SHISAL1: variants seen among roughly 807,000 people sequenced by gnomAD.
The protein encoded by SHISAL1 is shisa like 1.
A neutral mutation model predicts 22.6 loss-of-function variants in SHISAL1; 9 were observed. That is an observed-to-expected ratio of 0.40 (90% CI 0.24 to 0.70). The LOEUF is 0.70. Among genes scored for constraint, SHISAL1 ranks in the 30% least tolerant of loss-of-function variants. The probability of loss-of-function intolerance (pLI) is 0.39; values close to 1 mark genes in which losing one functional copy is unlikely to be tolerated. For missense variants in SHISAL1, 246 were observed against 270.6 expected (o/e 0.91, Z 0.64); for synonymous variants, 119 against 115.4 (o/e 1.03, Z -0.20).
intron 4 of SHISAL1, among the ~76,000 whole-genome samples, chr22:44,252,080 A>C (rs1454845518): frequency 1.3e-5 from 2 of 152,252 alleles, no homozygotes; most frequent in Admixed American, 1.3e-4. Context: ...CAGCCAATCT[A>C]AAGATTATGA....
At chr22:44,261,794 G>A (rs2055126412) in intron 4 of SHISAL1, among the ~76,000 whole-genome samples, 2 of 152,238 alleles carry the variant, frequency 1.3e-5, no homozygotes, top group Admixed American at 6.5e-5. Flanking sequence ...CTCCTGCCAC[G>A]GAGAGCACTC....
intron 4 of SHISAL1, among the ~76,000 whole-genome samples, chr22:44,269,550 T>C (rs2055191549): frequency 1.5e-5 from 2 of 131,620 alleles, no homozygotes; most frequent in East Asian, 2.3e-4. Context: ...ATGCCACAGA[T>C]ACAACACTAC....
intron 4 of SHISAL1, among the ~76,000 whole-genome samples, chr22:44,266,423 CTGTGTGTGTGTTGGGGGGT>C (rs1222538092): frequency 2.2e-5 from 2 of 92,882 alleles, no homozygotes; most frequent in Admixed American, 1.5e-4. Context: ...TGTTGGGGGG[CTGTGTGTGTGTTGGGGGGT>C]TGTGTGTGTG....
In SHISAL1 at chr22:44,247,626, C is replaced by A. The variant is rs1315872316; in HGVS notation, c.*2059G>T. The A allele has an allele frequency of 6.6e-6, 1 of 152,286 alleles. No homozygotes were observed. The highest frequency in any genetic ancestry group is 1.5e-5 in the Non-Finnish European group (1 of 68,090). The allele number at this position is 152,286 out of a possible 1,614,324, so 9.4% of individuals were successfully genotyped here. A position where few individuals can be genotyped will look rare whatever the true frequency, so the allele number is the denominator to read the frequency against. ...GTCTTCCACAGCTGACCTGTGTGAT[C>A]CTGGGCAAGCCACTTGACCCAGCTG... On this transcript the variant is annotated 3_prime_UTR_variant, in exon 5 of 5. Coordinates refer to ENST00000381176, the MANE Select transcript of SHISAL1 (RefSeq NM_001099294.2).
chr22:44,315,956 G>A (rs2055555959), upstream of SHISAL1, among the ~76,000 whole-genome samples: 1 of 152,162 alleles, frequency 6.6e-6, no homozygotes, highest in Admixed American at 6.5e-5. Flanking sequence ...GCAGGGAGGG[G>A]AGAGGCATTG....
chr22:44,297,158 C>G (rs775141115), intron 2 of SHISAL1, among the ~76,000 whole-genome samples: 1 of 152,198 alleles, frequency 6.6e-6, no homozygotes, highest in Non-Finnish European at 1.5e-5. Flanking sequence ...AGCAGTCACT[C>G]AATTAGGAAA....
At chr22:44,289,014 G>A (rs1055126907) in intron 3 of SHISAL1, among the ~76,000 whole-genome samples, 1 of 152,260 alleles carries the variant, frequency 6.6e-6, no homozygotes, top group Non-Finnish European at 1.5e-5. Context: ...ACTGACAGCT[G>A]AGAATGGGCT....
rs151160277 is a variant in SHISAL1 at position 44,307,040 on chromosome 22, G to T, written c.-33+5711C>A. Among the ~76,000 whole-genome samples, 742 of 152,294 alleles carry T rather than the reference G, an allele frequency of 4.9e-3. 3 individuals carry two copies. The highest frequency in any genetic ancestry group is 9.3e-3 in the Admixed American group (143 of 15,302). ...ATCTGGGAGCTCTGATAATGATGGC[G>T]TGTTACACCACTGGACAACATCCCC... On this transcript the variant is annotated intron_variant, in intron 1 of 4. Transcript: ENST00000381176.
chr22:44,252,765 C>CAGGTAGATCACCT (rs777162920), intron 4 of SHISAL1, among the ~76,000 whole-genome samples: 10 of 151,962 alleles, frequency 6.6e-5, no homozygotes, highest in Non-Finnish European at 1.3e-4. Flanking sequence ...GAGGCTGAGG[C>CAGGTAGATCACCT]AGGTAGATCA....
intron 4 of SHISAL1, among the ~76,000 whole-genome samples, chr22:44,252,862 G>C (rs1215165331): frequency 6.6e-6 from 1 of 151,940 alleles, no homozygotes; most frequent in Non-Finnish European, 1.5e-5. Context: ...GGGCGTGGTG[G>C]TGGGTGCCTG....
the SHISAL1 span, among the ~76,000 whole-genome samples, chr22:44,323,260 ACCAT>A: frequency 0.21 from 22,933 of 108,828 alleles, 2,571 homozygotes; most frequent in African/African-American, 0.31. Flanking sequence ...TCATCCATCC[ACCAT>A]CCATCCATCC....
chr22:44,328,001 A>G, the SHISAL1 span, among the ~76,000 whole-genome samples: 5 of 152,138 alleles, frequency 3.3e-5, no homozygotes, highest in Admixed American at 6.5e-5. Flanking sequence ...TCGCTCTAAG[A>G]TCCTGTGAAT....
At chr22:44,305,691 G>A (rs973812720) in intron 1 of SHISAL1, among the ~76,000 whole-genome samples, 2 of 152,236 alleles carry the variant, frequency 1.3e-5, no homozygotes, top group South Asian at 2.1e-4. Flanking sequence ...ACAGCACGCT[G>A]TGGTTGCGCT....
the SHISAL1 span, among the ~76,000 whole-genome samples, chr22:44,321,952 C>T: frequency 8.6e-4 from 131 of 152,214 alleles, no homozygotes; most frequent in South Asian, 0.026. Context: ...AGAAGGAAAC[C>T]GAGGCAGACA....
At chr22:44,303,699 A>T (rs1397870793) in intron 1 of SHISAL1, among the ~76,000 whole-genome samples, 1 of 152,160 alleles carries the variant, frequency 6.6e-6, no homozygotes, top group Non-Finnish European at 1.5e-5. Context: ...ACAGCCTCTC[A>T]TGTGGAGCCT....
rs367800147 is a variant in SHISAL1, at chr22:44,296,635, C to G, written c.281+37G>C. The G allele has an allele frequency of 1.4e-5, 22 of 1,591,880 alleles. No homozygotes were observed. The Admixed American group carries it at 3.5e-4, about 25-fold the overall frequency. On this transcript the variant is annotated intron_variant, in intron 3 of 4. Transcript: ENST00000381176. ...GGAGGCAGGCCCCTTGCCTGGGGCCCGAGGCAGTGGGGTTGCACCCCCAGA... is the reference window on the plus strand; with the variant it reads ...GGAGGCAGGCCCCTTGCCTGGGGCCGGAGGCAGTGGGGTTGCACCCCCAGA...
rs1265523407 is a variant in SHISAL1, at chr22:44,244,747, AGGCAAGTGGCAGGCACTC to A, written c.*4920_*4937del. The A allele has an allele frequency of 1.3e-5, 2 of 152,338 alleles. No homozygotes were observed. Among genetic ancestry groups the A allele is most frequent in the Non-Finnish European group, 2.9e-5 (2 of 68,030 alleles). The allele number at this position is 152,338 out of a possible 1,614,324, so 9.4% of individuals were successfully genotyped here. A position where few individuals can be genotyped will look rare whatever the true frequency, so the allele number is the denominator to read the frequency against. The stretch of plus-strand genomic sequence containing the variant: ...CCAGATGGGCCCTGGGTACAGGGCC[AGGCAAGTGGCAGGCACTC>A]GGCAAGTATCTGAATAGGTGAGGGA... On this transcript the variant is annotated 3_prime_UTR_variant, in exon 5 of 5. Transcript: ENST00000381176.
intron 4 of SHISAL1, among the ~76,000 whole-genome samples, chr22:44,253,425 ATGT>A (rs1373433480): frequency 0.026 from 2,771 of 107,794 alleles, 245 homozygotes; most frequent in Admixed American, 0.17. Context: ...GTATTAGTGC[ATGT>A]TTTTTTTTTT....
chr22:44,326,393 AGCCG>A, the SHISAL1 span, among the ~76,000 whole-genome samples: 9 of 152,230 alleles, frequency 5.9e-5, no homozygotes, highest in African/African-American at 2.2e-4. Flanking sequence ...TCCGCGGCAG[AGCCG>A]GCCATCCCCT....
Sources: gnomAD v4.1 joint callset for allele counts (sites outside exome capture counted in the v4.1 genomes callset) on GRCh38, gnomAD v4.1.1 for gene constraint, MANE v1.5 for transcripts, NCBI Gene and HGNC (gene_info 2026-07-23, HGNC 2026-07-21) for gene names.